The following PPP3R1 variants were observed in gnomAD, a reference collection of about 807,000 sequenced individuals.
PPP3R1 encodes protein phosphatase 3 regulatory subunit B, alpha, also known as calcineurin subunit B type 1.
PPP3R1 carries 5 observed loss-of-function variants against 22.6 expected under a neutral mutation model. That is an observed-to-expected ratio of 0.22 (90% CI 0.12 to 0.46). The LOEUF is 0.46. Ranked by LOEUF, PPP3R1 falls within the 20% of genes least tolerant of loss-of-function variation. The probability of loss-of-function intolerance (pLI) is 0.99; values close to 1 mark genes in which losing one functional copy is unlikely to be tolerated. For synonymous variants in PPP3R1, 56 were observed against 65.2 expected (o/e 0.86, Z 0.68); for missense variants, 61 against 203.2 (o/e 0.30, Z 4.25).
intron 2 of PPP3R1, among the ~76,000 whole-genome samples, chr2:68,215,903 A>G (rs571095710): frequency 6.2e-4 from 95 of 152,330 alleles, no homozygotes; most frequent in Middle Eastern, 6.8e-3. Context: ...AAGAACTACT[A>G]AGTCCTTGTC....
chr2:68,223,752 T>A (rs1489499644), intron 1 of PPP3R1, among the ~76,000 whole-genome samples: 3 of 149,082 alleles, frequency 2.0e-5, no homozygotes, highest in African/African-American at 7.4e-5. Context: ...GTAATAAGAT[T>A]CTCCCTAAGA....
intron 5 of PPP3R1, among the ~76,000 whole-genome samples, chr2:68,181,297 G>A (rs968313051): frequency 1.3e-5 from 2 of 151,614 alleles, no homozygotes; most frequent in African/African-American, 2.4e-5. Context: ...GCAGGCTGAT[G>A]CAGGAGAATC....
chr2:68,200,098 T>G (rs899633952), intron 2 of PPP3R1, among the ~76,000 whole-genome samples: 2 of 152,216 alleles, frequency 1.3e-5, no homozygotes, highest in Non-Finnish European at 2.9e-5. Flanking sequence ...TAAAAGGCTA[T>G]TAAGATTTAC....
intron 4 of PPP3R1, 42 bp downstream of exon 4, chr2:68,187,213 T>C (rs537416123): frequency 2.0e-5 from 28 of 1,432,478 alleles, no homozygotes; most frequent in Admixed American, 3.6e-5. Context: ...TATGAAATGA[T>C]GGTAGTATAA....
intron 1 of PPP3R1, among the ~76,000 whole-genome samples, chr2:68,230,338 T>C (rs1383626270): frequency 6.6e-6 from 1 of 152,180 alleles, no homozygotes; most frequent in Admixed American, 6.5e-5. Context: ...GTTAAACATT[T>C]TTTAAATTCC....
rs187317152 is a variant in PPP3R1 at position 68,228,891 on chromosome 2, T to C, written c.4-11760A>G. On this transcript the variant is annotated intron_variant, in intron 1 of 5. Coordinates refer to ENST00000234310, the MANE Select transcript of PPP3R1 (RefSeq NM_000945.4). ...TATTTTTTAAAATTTCCCTTGAGAC[T>C]TCCTCTTTCACTCATAGATTATTTG... is the stretch of plus-strand genomic sequence containing the variant. 2.0e-5 allele frequency among the ~76,000 whole-genome samples: 3 copies of C among 152,336 alleles called. No individual in the cohort carries two copies. The East Asian group carries it at 5.8e-4, about 29-fold the overall frequency.
rs71395958 is a variant in PPP3R1 at position 68,202,792 on chromosome 2, A to ATTTTTTTTTTTT, written c.44-14114_44-14103dup. 2.4e-3 allele frequency among the ~76,000 whole-genome samples: 196 copies of ATTTTTTTTTTTT among 81,208 alleles called. 24 individuals carry two copies. The highest frequency in any genetic ancestry group is 0.011 in the African/African-American group (181 of 16,164). The allele number at this position is 81,208 out of a possible 152,430, so 53.3% of individuals were successfully genotyped here. A position where few individuals can be genotyped will look rare whatever the true frequency, so the allele number is the denominator to read the frequency against. ...TAATATATACTAGAGAGTTCAGGGA[A>ATTTTTTTTTTTT]TTTTTTTTTTTTTTTTTTTTTTTTT... On this transcript the variant is annotated intron_variant, in intron 2 of 5. Transcript: ENST00000234310.
rs113696916 is a variant in PPP3R1, at chr2:68,215,567, T to C, written c.43+1525A>G. 6.2e-3 allele frequency among the ~76,000 whole-genome samples: 945 copies of C among 152,318 alleles called. 9 individuals are homozygous for C. The highest frequency in any genetic ancestry group is 0.021 in the African/African-American group (879 of 41,576). ...CTTCCAAATCTCACAAGTATATCTG[T>C]GGCAGAAATAAAGTAACATTAAGAA... is the stretch of plus-strand genomic sequence containing the variant. On this transcript the variant is annotated intron_variant, in intron 2 of 5. Transcript: ENST00000234310.
intron 2 of PPP3R1, among the ~76,000 whole-genome samples, chr2:68,215,427 T>A (rs901728364): frequency 2.6e-5 from 4 of 152,134 alleles, no homozygotes; most frequent in Non-Finnish European, 4.4e-5. Context: ...CATAGTAAAT[T>A]TGAAAGCTTC....
intron 1 of PPP3R1, among the ~76,000 whole-genome samples, chr2:68,229,458 T>TAAA (rs1319946175): frequency 6.6e-6 from 1 of 152,248 alleles, no homozygotes; most frequent in Non-Finnish European, 1.5e-5. Flanking sequence ...ATTTTCTTGC[T>TAAA]TGGTTACTCC....
chr2:68,204,130 T>C (rs542695281), intron 2 of PPP3R1, among the ~76,000 whole-genome samples: 2 of 152,188 alleles, frequency 1.3e-5, no homozygotes, highest in African/African-American at 4.8e-5. Flanking sequence ...TAAGGTAGTA[T>C]CTTGCACTCA....
intron 1 of PPP3R1, among the ~76,000 whole-genome samples, chr2:68,225,115 T>C (rs1669757391): frequency 1.3e-5 from 2 of 152,198 alleles, no homozygotes; most frequent in South Asian, 4.1e-4. Flanking sequence ...CCTTTGAAAT[T>C]CTGAACCCCT....
chr2:68,182,204 T>C (rs756229587), intron 5 of PPP3R1, among the ~76,000 whole-genome samples: 24 of 152,080 alleles, frequency 1.6e-4, no homozygotes, highest in Non-Finnish European at 1.3e-4. Flanking sequence ...CATGTTGTTA[T>C]GTGTATTTGT....
In PPP3R1 at chr2:68,205,067, CAAT is replaced by C. The variant is rs760611175; in HGVS notation, c.43+12022_43+12024del. Among the ~76,000 whole-genome samples, 220 of 152,032 alleles carry C rather than the reference CAAT, an allele frequency of 1.4e-3. 1 individual carries two copies. Among genetic ancestry groups the C allele is most frequent in the Non-Finnish European group, 2.1e-3 (146 of 67,990 alleles). ...ATTTATTTAAAAAGCCCCAACTTTT[CAAT>C]AATAGAAAATTTCAAACACACACAA... On this transcript the variant is annotated intron_variant, in intron 2 of 5. Transcript: ENST00000234310.
chr2:68,183,586 A>C (rs1030573813), intron 5 of PPP3R1, among the ~76,000 whole-genome samples: 2 of 152,230 alleles, frequency 1.3e-5, no homozygotes, highest in African/African-American at 4.8e-5. Context: ...ACAACTCCAA[A>C]AATAGGTATG....
chr2:68,182,641 C>G, intron 5 of PPP3R1, among the ~76,000 whole-genome samples: 1 of 126,886 alleles, frequency 7.9e-6, no homozygotes, highest in African/African-American at 3.3e-5. Context: ...CATGGTGAAA[C>G]CAGGTCTCTA....
chr2:68,210,702 G>T (rs1300901849), intron 2 of PPP3R1, among the ~76,000 whole-genome samples: 1 of 152,170 alleles, frequency 6.6e-6, no homozygotes, highest in Non-Finnish European at 1.5e-5. Context: ...TAAAAAATGA[G>T]CCTGGGTTGA....
chr2:68,240,232 A>G (rs764426678), intron 1 of PPP3R1, among the ~76,000 whole-genome samples: 13 of 151,964 alleles, frequency 8.6e-5, no homozygotes, highest in Non-Finnish European at 8.8e-5. Flanking sequence ...AAATAAGACA[A>G]ACGACCTGTA....
At chr2:68,219,726 T>TA (rs894787897) in intron 1 of PPP3R1, among the ~76,000 whole-genome samples, 1 of 152,160 alleles carries the variant, frequency 6.6e-6, no homozygotes, top group African/African-American at 2.4e-5. Flanking sequence ...ACATACCCAA[T>TA]AAGGTACTGA....
Sources: allele counts gnomAD v4.1 joint callset (sites outside exome capture counted in the v4.1 genomes callset), GRCh38; gene constraint gnomAD v4.1.1; transcripts MANE v1.5; gene names NCBI Gene and HGNC (gene_info 2026-07-23, HGNC 2026-07-21).